AK8: variants seen among roughly 807,000 people sequenced by gnomAD.
The protein encoded by AK8 is ATP-AMP transphosphorylase 8.
AK8 carries 44 observed loss-of-function variants against 54.6 expected under a neutral mutation model. That is an observed-to-expected ratio of 0.81 (90% CI 0.63 to 1.04). AK8 has a LOEUF of 1.04. Ranked by LOEUF, AK8 falls within the 50% of genes least tolerant of loss-of-function variation. AK8 has a pLI of 0.00. For missense variants in AK8, 555 were observed against 613.6 expected, an observed-to-expected ratio of 0.90 and a Z score of 1.01; for synonymous variants, 239 against 245.6, an observed-to-expected ratio of 0.97 and a Z score of 0.25.
chr9:132,821,738 T>A (rs539048093), intron 9 of AK8, among the ~76,000 whole-genome samples: 116 of 135,042 alleles, frequency 8.6e-4, no homozygotes, highest in Non-Finnish European at 1.2e-3. Flanking sequence ...TATATGTATA[T>A]TTGTATGTAT....
chr9:132,750,591 T>C (rs1473581305), intron 11 of AK8, among the ~76,000 whole-genome samples: 2 of 151,940 alleles, frequency 1.3e-5, no homozygotes, highest in African/African-American at 4.8e-5. Context: ...TCTTCTCAAA[T>C]TTCTAAATAG....
intron 10 of AK8, among the ~76,000 whole-genome samples, chr9:132,812,702 C>T (rs540542951): frequency 1.8e-4 from 27 of 152,280 alleles, no homozygotes; most frequent in East Asian, 7.7e-4. Flanking sequence ...CCTGGGGCTT[C>T]GAGAAGGGCA....
At chr9:132,832,424 C>T (rs1842147948) in intron 5 of AK8, among the ~76,000 whole-genome samples, 1 of 152,146 alleles carries the variant, frequency 6.6e-6, no homozygotes. Flanking sequence ...GGAGACGCAG[C>T]GTCTGACAGC....
At chr9:132,805,985 GGGGCTCTGGGT>G (rs1840704897) in intron 10 of AK8, among the ~76,000 whole-genome samples, 2 of 151,976 alleles carry the variant, frequency 1.3e-5, no homozygotes, top group Admixed American at 6.6e-5. Context: ...CCCTACAGCG[GGGGCTCTGGGT>G]TGGGGGTACC....
chr9:132,839,879 G>A lies in AK8; in HGVS notation c.403-11153C>T, dbSNP rs376804509. Among the ~76,000 whole-genome samples, 29 of 151,390 alleles carry A rather than the reference G, an allele frequency of 1.9e-4. 1 individual carries two copies. The highest frequency in any genetic ancestry group is 4.1e-4 in the African/African-American group (17 of 41,108). On this transcript the variant is annotated intron_variant, in intron 5 of 12. Transcript: ENST00000298545. Reference sequence around the variant, plus strand: ...GTCACCCAGGCTAGAGTGCAGTGGCGCGATCTCGGCTCACCGCAACCTCTG... The same window carrying A: ...GTCACCCAGGCTAGAGTGCAGTGGCACGATCTCGGCTCACCGCAACCTCTG...
chr9:132,844,297 C>CAAAAAAAAAAAAAAAAAAA (rs35309762), intron 5 of AK8, among the ~76,000 whole-genome samples: 3 of 92,648 alleles, frequency 3.2e-5, no homozygotes, highest in African/African-American at 4.8e-5. Flanking sequence ...TGCATTAGAC[C>CAAAAAAAAAAAAAAAAAAA]AAAAAAAAAA....
At chr9:132,869,528 G>A (rs928093623) in intron 2 of AK8, among the ~76,000 whole-genome samples, 17 of 152,218 alleles carry the variant, frequency 1.1e-4, no homozygotes, top group Non-Finnish European at 2.2e-4. Context: ...CGCTGGTGGT[G>A]GGCCCAGCCC....
At chr9:132,750,167 G>A (rs1388166476) in intron 11 of AK8, among the ~76,000 whole-genome samples, 1 of 151,904 alleles carries the variant, frequency 6.6e-6, no homozygotes, top group Non-Finnish European at 1.5e-5. Context: ...CATGCAGGCT[G>A]GAGTGCAATG....
chr9:132,764,424 CTTGA>C (rs1421905590), intron 11 of AK8, among the ~76,000 whole-genome samples: 2 of 152,048 alleles, frequency 1.3e-5, no homozygotes, highest in Admixed American at 6.5e-5. Context: ...AATCAATTAG[CTTGA>C]TTAACAAGAA....
At chr9:132,764,740 G>A (rs896195539) in intron 11 of AK8, among the ~76,000 whole-genome samples, 2 of 152,188 alleles carry the variant, frequency 1.3e-5, no homozygotes, top group Non-Finnish European at 1.5e-5. Flanking sequence ...GACATTTAAA[G>A]AAGAGCTAAC....
At chr9:132,858,358 C>T (rs1409147502) in intron 4 of AK8, among the ~76,000 whole-genome samples, 1 of 152,220 alleles carries the variant, frequency 6.6e-6, no homozygotes, top group Non-Finnish European at 1.5e-5. Flanking sequence ...GCCCCTGGGG[C>T]GTCACTTGAC....
intron 4 of AK8, 46 bp downstream of exon 4, chr9:132,863,619 G>A: frequency 7.4e-7 from 1 of 1,355,016 alleles, no homozygotes; most frequent in South Asian, 1.2e-5. Flanking sequence ...TGTGGCAGTG[G>A]GCACTGCTGC....
At chr9:132,821,561 G>A (rs906209173) in intron 9 of AK8, among the ~76,000 whole-genome samples, 2 of 151,918 alleles carry the variant, frequency 1.3e-5, no homozygotes, top group African/African-American at 2.4e-5. Context: ...CATTTTAGGT[G>A]TGTGACTTTT....
At chr9:132,785,111 T>A (rs1356204146) in intron 11 of AK8, among the ~76,000 whole-genome samples, 2 of 151,122 alleles carry the variant, frequency 1.3e-5, no homozygotes, top group Non-Finnish European at 3.0e-5. Flanking sequence ...ACTCTTTTTT[T>A]TTTTTTTTTT....
At chr9:132,788,794 C>A (rs1223613120) in intron 11 of AK8, among the ~76,000 whole-genome samples, 2 of 152,176 alleles carry the variant, frequency 1.3e-5, no homozygotes, top group African/African-American at 4.8e-5. Context: ...TTTAAAAACT[C>A]TCTCAGATAT....
intron 5 of AK8, among the ~76,000 whole-genome samples, chr9:132,852,546 G>A (rs1050643615): frequency 1.3e-5 from 2 of 151,302 alleles, no homozygotes; most frequent in African/African-American, 4.9e-5. Context: ...GGAAGCGGAG[G>A]TTGCAGTGAG....
chr9:132,847,772 G>A (rs1224672881), intron 5 of AK8, among the ~76,000 whole-genome samples: 2 of 152,136 alleles, frequency 1.3e-5, no homozygotes, highest in Non-Finnish European at 2.9e-5. Flanking sequence ...CTTAAGCACA[G>A]GAGTTTGAGA....
At chr9:132,877,378 C>T (rs924344671) in intron 1 of AK8, among the ~76,000 whole-genome samples, 1 of 152,216 alleles carries the variant, frequency 6.6e-6, no homozygotes, top group African/African-American at 2.4e-5. Context: ...CACCACTATG[C>T]CCTCCATGCC....
At chr9:132,772,481 G>A (rs867833967) in intron 11 of AK8, among the ~76,000 whole-genome samples, 5 of 152,218 alleles carry the variant, frequency 3.3e-5, no homozygotes, top group African/African-American at 4.8e-5. Flanking sequence ...CAGGGCACAC[G>A]TGCCATGTGA....
Sources: gnomAD v4.1 joint callset for allele counts (sites outside exome capture counted in the v4.1 genomes callset) on GRCh38, gnomAD v4.1.1 for gene constraint, MANE v1.5 for transcripts, NCBI Gene and HGNC (gene_info 2026-07-23, HGNC 2026-07-21) for gene names.